The following EXOC4 variants were observed in gnomAD, a reference collection of about 807,000 sequenced individuals.
EXOC4 encodes the protein SEC8-like 1.
A neutral mutation model predicts 107.2 loss-of-function variants in EXOC4; 71 were observed. The observed-to-expected ratio is 0.66, with a 90% CI of 0.55 to 0.81. The LOEUF (loss-of-function observed/expected upper bound fraction) is 0.81, where lower values mean the gene tolerates loss of function less well. EXOC4 is among the 30% of genes least tolerant of loss of function. EXOC4 has a pLI of 0.00. For missense variants in EXOC4, 1,108 were observed against 1,189.6 expected (o/e 0.93, Z 1.01); for synonymous variants, 456 against 441.2 (o/e 1.03, Z -0.42).
chr7:134,043,868 G>T (rs1479450886), intron 17 of EXOC4, among the ~76,000 whole-genome samples: 1 of 152,122 alleles, frequency 6.6e-6, no homozygotes, highest in Non-Finnish European at 1.5e-5. Flanking sequence ...AGGCTTACTT[G>T]ATTCTTCCTC....
At chr7:133,308,946 G>T (rs1473470823) in intron 4 of EXOC4, among the ~76,000 whole-genome samples, 2 of 152,168 alleles carry the variant, frequency 1.3e-5, no homozygotes, top group Non-Finnish European at 2.9e-5. Flanking sequence ...AGGGTGTTTA[G>T]TGGGACTTCA....
chr7:133,330,396 G>C (rs1685573), intron 5 of EXOC4, among the ~76,000 whole-genome samples: 2 of 151,590 alleles, frequency 1.3e-5, no homozygotes, highest in African/African-American at 4.9e-5. Flanking sequence ...CCAGAACTTC[G>C]CTCCCTGGCT....
At chr7:133,626,830 T>G (rs1454199874) in intron 9 of EXOC4, among the ~76,000 whole-genome samples, 2 of 152,196 alleles carry the variant, frequency 1.3e-5, no homozygotes, top group Admixed American at 6.5e-5. Flanking sequence ...TGTAATATGG[T>G]CATCAACAAA....
At chr7:133,839,230 G>A (rs1018660682) in intron 11 of EXOC4, among the ~76,000 whole-genome samples, 2 of 152,152 alleles carry the variant, frequency 1.3e-5, no homozygotes, top group African/African-American at 4.8e-5. Flanking sequence ...GTATATTGCT[G>A]TGTGCCTGCC....
rs187193671 is a variant in EXOC4 at position 133,303,348 on chromosome 7, C to T, written c.472-2529C>T. On this transcript the variant is annotated intron_variant, in intron 3 of 17. Transcript: ENST00000253861. Reference sequence around the variant, plus strand: ...CCTCGGGAGGCTGAGGCAGGAGAATCGCTTGAACTTAGGAGGTGGAGGTTG... The same window carrying T: ...CCTCGGGAGGCTGAGGCAGGAGAATTGCTTGAACTTAGGAGGTGGAGGTTG... Among the ~76,000 whole-genome samples, 27 of 152,250 alleles carry T rather than the reference C, an allele frequency of 1.8e-4. No homozygotes were observed. The East Asian group carries it at 3.9e-3, about 22-fold the overall frequency.
chr7:133,912,004 A>G lies in EXOC4; in HGVS notation c.1872-5579A>G, dbSNP rs1021524471. 2.6e-5 allele frequency among the ~76,000 whole-genome samples: 4 copies of G among 152,344 alleles called. No individual in the cohort carries two copies. In the South Asian group the frequency reaches 8.3e-4, roughly 32 times the overall value. ...TCTAGATATGAATGGTGAAATTGAA[A>G]TTTTGTATAATTTCCACATGTCACA... On this transcript the variant is annotated intron_variant, in intron 12 of 17. Coordinates refer to ENST00000253861, the MANE Select transcript of EXOC4 (RefSeq NM_021807.4).
At chr7:133,692,189 C>A (rs1418839631) in intron 10 of EXOC4, among the ~76,000 whole-genome samples, 2 of 152,146 alleles carry the variant, frequency 1.3e-5, no homozygotes. Flanking sequence ...GTAGAAAAGA[C>A]AATCAAGCCA....
intron 10 of EXOC4, among the ~76,000 whole-genome samples, chr7:133,780,232 T>TCC (rs200734464): frequency 3.3e-5 from 5 of 149,468 alleles, no homozygotes; most frequent in African/African-American, 1.2e-4. Flanking sequence ...TTAATATGCT[T>TCC]CCCAAAAAAA....
chr7:133,915,816 G>T (rs1169303122), intron 12 of EXOC4, among the ~76,000 whole-genome samples: 5 of 152,184 alleles, frequency 3.3e-5, no homozygotes, highest in African/African-American at 1.2e-4. Flanking sequence ...AGAAGTTTCT[G>T]TAATCCAATT....
intron 10 of EXOC4, among the ~76,000 whole-genome samples, chr7:133,802,293 A>G (rs1330199640): frequency 6.6e-6 from 1 of 152,228 alleles, no homozygotes; most frequent in Non-Finnish European, 1.5e-5. Flanking sequence ...CAGCCCCCAA[A>G]GCAGAATGAG....
intron 15 of EXOC4, among the ~76,000 whole-genome samples, chr7:134,001,165 C>G (rs1794522887): frequency 6.6e-6 from 1 of 152,012 alleles, no homozygotes; most frequent in African/African-American, 2.4e-5. Flanking sequence ...TTTGTTTTTT[C>G]TATTTGAACT....
At chr7:133,524,480 A>G (rs557824364) in intron 9 of EXOC4, among the ~76,000 whole-genome samples, 2 of 122,400 alleles carry the variant, frequency 1.6e-5, no homozygotes, top group South Asian at 6.1e-4. Flanking sequence ...TTTTGTTGCC[A>G]TTGCTTTTGG....
intron 17 of EXOC4, among the ~76,000 whole-genome samples, chr7:134,046,469 TAAAAA>T (rs1016675590): frequency 9.2e-5 from 13 of 140,686 alleles, no homozygotes; most frequent in African/African-American, 2.9e-4. Context: ...GACTATGTCT[TAAAAA>T]AAAAAACAAA....
At chr7:133,772,538 AAAC>A (rs1288580163) in intron 10 of EXOC4, among the ~76,000 whole-genome samples, 3 of 123,430 alleles carry the variant, frequency 2.4e-5, no homozygotes, top group Admixed American at 1.7e-4. Flanking sequence ...AAAAAAAAAA[AAAC>A]CTTAAATTTG....
chr7:133,775,060 ACT>A (rs1280358652), intron 10 of EXOC4, among the ~76,000 whole-genome samples: 1 of 151,978 alleles, frequency 6.6e-6, no homozygotes, highest in Non-Finnish European at 1.5e-5. Flanking sequence ...AAAAGAGTTA[ACT>A]CTATGGAGCT....
chr7:133,646,248 T>C (rs556249182), intron 10 of EXOC4, among the ~76,000 whole-genome samples: 2 of 152,322 alleles, frequency 1.3e-5, no homozygotes, highest in East Asian at 3.9e-4. Context: ...ATTACAGATG[T>C]AAATGTTAGA....
chr7:134,088,741 T>G, the EXOC4 span, among the ~76,000 whole-genome samples: 1 of 152,142 alleles, frequency 6.6e-6, no homozygotes, highest in Non-Finnish European at 1.5e-5. Flanking sequence ...AACAATTGTT[T>G]TTGCATGACA....
intron 6 of EXOC4, among the ~76,000 whole-genome samples, chr7:133,358,014 G>A (rs1149562): frequency 1.3e-5 from 2 of 151,750 alleles, no homozygotes; most frequent in African/African-American, 4.8e-5. Flanking sequence ...ATAGTGAAAC[G>A]CCAACTCTAC....
intron 2 of EXOC4, among the ~76,000 whole-genome samples, chr7:133,278,084 C>T (rs1794039844): frequency 6.6e-6 from 1 of 151,982 alleles, no homozygotes; most frequent in Non-Finnish European, 1.5e-5. Context: ...GTTGAGTGCC[C>T]GCTATGTTGC....
Sources: allele counts gnomAD v4.1 joint callset (sites outside exome capture counted in the v4.1 genomes callset), GRCh38; gene constraint gnomAD v4.1.1; transcripts MANE v1.5; gene names NCBI Gene and HGNC (gene_info 2026-07-23, HGNC 2026-07-21).